The following RANBP17 variants were observed in gnomAD, a reference collection of about 807,000 sequenced individuals.
The protein encoded by RANBP17 is ran-binding protein 17.
A neutral mutation model predicts 141.2 loss-of-function variants in RANBP17; 158 were observed. The observed-to-expected ratio is 1.12, with a 90% CI of 0.98 to 1.28. The LOEUF is 1.28. RANBP17 is among the 50% of genes most tolerant of loss of function. The pLI, the probability that RANBP17 is intolerant of heterozygous loss-of-function variation, is 0.00. For synonymous variants in RANBP17, 430 were observed against 450.0 expected (o/e 0.96, Z 0.56); for missense variants, 1,438 against 1,290.7 (o/e 1.11, Z -1.75).
At chr5:171,296,125 C>T in intron 27 of RANBP17, 111 bp downstream of exon 27, 1 of 1,092,588 alleles carries the variant, frequency 9.2e-7, no homozygotes, top group Non-Finnish European at 1.3e-6. Flanking sequence ...TTTTCTGTTA[C>T]ACCTTGTGAT....
intron 16 of RANBP17, among the ~76,000 whole-genome samples, chr5:171,182,321 A>G (rs1319597540): frequency 2.6e-5 from 4 of 152,226 alleles, no homozygotes; most frequent in Non-Finnish European, 5.9e-5. Context: ...AGATGTGTTT[A>G]GAATCCACAT....
At chr5:171,034,565 TTCC>T (rs1781753826) in intron 14 of RANBP17, among the ~76,000 whole-genome samples, 1 of 152,190 alleles carries the variant, frequency 6.6e-6, no homozygotes, top group Non-Finnish European at 1.5e-5. Context: ...ACCAACTTCT[TTCC>T]ATGCTTGCCA....
At chr5:171,143,428 T>C (rs1757832230) in intron 14 of RANBP17, 1 of 152,204 alleles carries the variant, frequency 6.6e-6, no homozygotes, top group Non-Finnish European at 1.5e-5. Context: ...TTTAAAGTGC[T>C]TACTTTCTTT....
intron 20 of RANBP17, among the ~76,000 whole-genome samples, chr5:171,211,770 ATAGGAGAAAGTGTTGCTTTTTGCACTTT>A (rs1479216875): frequency 6.6e-6 from 1 of 152,048 alleles, no homozygotes. Context: ...TGTCTGTCTA[ATAGGAGAAAGTGTTGCTTTTTGCACTTT>A]TAGGAAGCAT....
chr5:170,956,704 C>G (rs1258297331), intron 13 of RANBP17, among the ~76,000 whole-genome samples: 1 of 151,438 alleles, frequency 6.6e-6, no homozygotes, highest in Non-Finnish European at 1.5e-5. Flanking sequence ...CCTGCCTTGG[C>G]CTCCCAAAGT....
Position 171,228,127 on chromosome 5 carries a change from G to A in RANBP17, c.2422+6287G>A, listed in dbSNP as rs183258393. ...TTATATCAGAAATACATTCTGTAAG[G>A]CTGTAGCTGCCATAGATAGTGATTC... On this transcript the variant is annotated intron_variant, in intron 22 of 27. Coordinates refer to ENST00000523189, the MANE Select transcript of RANBP17 (RefSeq NM_022897.5). Among the ~76,000 whole-genome samples the A allele has an allele frequency of 1.8e-3, 270 of 152,332 alleles. 2 individuals carry two copies. The highest frequency in any genetic ancestry group is 6.3e-3 in the African/African-American group (262 of 41,574).
At chr5:171,289,210 A>G (rs937994955) in intron 25 of RANBP17, among the ~76,000 whole-genome samples, 2 of 151,998 alleles carry the variant, frequency 1.3e-5, no homozygotes, top group African/African-American at 4.8e-5. Flanking sequence ...TCCTCACCCC[A>G]CTGCCATTGC....
chr5:171,221,773 T>C lies in RANBP17; in HGVS notation c.2355T>C (p.Asn785=). The part of the protein sequence containing the change: ...ELMQNRSQRL[N]FDVSSPNGIL... Reference sequence around the variant, plus strand: ...TATTTCTTAGATCCCAGCGTTTGAATTTTGATGTATCATCTCCTAATGGAA... The same window carrying C: ...TATTTCTTAGATCCCAGCGTTTGAACTTTGATGTATCATCTCCTAATGGAA... Residue 785 remains asparagine, a synonymous_variant, in exon 22 of 28, where the codon AAT becomes AAC. Coordinates refer to ENST00000523189, the MANE Select transcript of RANBP17 (RefSeq NM_022897.5). 1 of 1,609,210 alleles carries C rather than the reference T, an allele frequency of 6.2e-7. No individual in the cohort carries two copies.
chr5:171,115,176 C>T (rs936593710), intron 14 of RANBP17, among the ~76,000 whole-genome samples: 4 of 151,896 alleles, frequency 2.6e-5, no homozygotes, highest in African/African-American at 9.7e-5. Flanking sequence ...TTTTGCCAAG[C>T]TACTACTAAA....
At chr5:171,129,901 A>G (rs574315097) in intron 14 of RANBP17, among the ~76,000 whole-genome samples, 1 of 152,192 alleles carries the variant, frequency 6.6e-6, no homozygotes. Flanking sequence ...TCACAATCAT[A>G]TGAATAGTAT....
At chr5:171,220,968 A>C (rs1763522425) in intron 21 of RANBP17, among the ~76,000 whole-genome samples, 2 of 152,180 alleles carry the variant, frequency 1.3e-5, no homozygotes, top group Admixed American at 6.5e-5. Context: ...AGCATGGAAA[A>C]GCAAAAATTT....
At chr5:171,298,710 AT>A (rs1768977344) in intron 27 of RANBP17, 51 bp from the exon 28 acceptor site, 1 of 1,439,830 alleles carries the variant, frequency 6.9e-7, no homozygotes, top group Admixed American at 1.7e-5. Flanking sequence ...CCAGAAATTC[AT>A]GGAGGCTTTG....
intron 14 of RANBP17, among the ~76,000 whole-genome samples, chr5:170,974,513 G>A (rs1054973795): frequency 1.3e-5 from 2 of 152,124 alleles, no homozygotes; most frequent in Admixed American, 6.5e-5. Context: ...TCCCAGGATG[G>A]AATCACATGC....
At chr5:170,957,160 G>A (rs1400687299) in intron 13 of RANBP17, among the ~76,000 whole-genome samples, 2 of 151,478 alleles carry the variant, frequency 1.3e-5, no homozygotes, top group African/African-American at 4.9e-5. Context: ...AATAAAGTAG[G>A]TATATATTTG....
At chr5:171,171,151 C>A in intron 15 of RANBP17, 55 bp from the exon 16 acceptor site, 1 of 932,742 alleles carries the variant, frequency 1.1e-6, no homozygotes, top group South Asian at 1.6e-5. Flanking sequence ...TTCTCTGGTT[C>A]TCCTTAGACA....
intron 18 of RANBP17, among the ~76,000 whole-genome samples, chr5:171,194,335 A>G (rs1761835858): frequency 6.6e-6 from 1 of 152,120 alleles, no homozygotes; most frequent in African/African-American, 2.4e-5. Context: ...CACCCCCCTC[A>G]AAAACCCTGT....
intron 22 of RANBP17, among the ~76,000 whole-genome samples, chr5:171,234,823 G>A (rs1273122634): frequency 6.6e-6 from 1 of 152,186 alleles, no homozygotes; most frequent in East Asian, 1.9e-4. Flanking sequence ...GATGTTGAAT[G>A]CCAATATGGA....
chr5:171,073,962 C>T (rs1283858618), intron 14 of RANBP17, among the ~76,000 whole-genome samples: 1 of 151,576 alleles, frequency 6.6e-6, no homozygotes, highest in Non-Finnish European at 1.5e-5. Context: ...TCGGAGAAAA[C>T]AGACAAATCT....
At chr5:171,017,122 A>G (rs1276157252) in intron 14 of RANBP17, among the ~76,000 whole-genome samples, 3 of 152,164 alleles carry the variant, frequency 2.0e-5, no homozygotes, top group African/African-American at 7.2e-5. Context: ...TCCATGGTAT[A>G]TATGTACCAC....
Sources: gnomAD v4.1 joint callset for allele counts (sites outside exome capture counted in the v4.1 genomes callset) on GRCh38, gnomAD v4.1.1 for gene constraint, MANE v1.5 for transcripts, NCBI Gene and HGNC (gene_info 2026-07-23, HGNC 2026-07-21) for gene names.